The following GAS6 variants were observed in gnomAD, a reference collection of about 807,000 sequenced individuals.
GAS6 encodes the protein growth arrest specific 6.
Under a neutral mutation model 75.8 loss-of-function variants are expected in GAS6, and 41 were observed. That is an observed-to-expected ratio of 0.54 (90% CI 0.42 to 0.70). GAS6 has a LOEUF of 0.70. Ranked by LOEUF, GAS6 falls within the 30% of genes least tolerant of loss-of-function variation. GAS6 has a pLI of 0.00. For missense variants in GAS6, 854 were observed against 940.2 expected (o/e 0.91, Z 1.20); for synonymous variants, 432 against 412.6 (o/e 1.05, Z -0.57).
chr13:113,846,799 G>A (rs11841740), intron 3 of GAS6, among the ~76,000 whole-genome samples: 18,480 of 152,246 alleles, frequency 0.12, 1,801 homozygotes, highest in African/African-American at 0.28. Context: ...CAACTCAGCG[G>A]AGTTGTGCAC....
chr13:113,847,675 C>G, intron 3 of GAS6: 1 of 314,880 alleles, frequency 3.2e-6, no homozygotes, highest in Non-Finnish European at 5.9e-6. Context: ...ACATGGACCC[C>G]TTTGGGGTCC....
chr13:113,827,470 CAT>C (rs1347807088), intron 11 of GAS6, among the ~76,000 whole-genome samples: 21 of 152,370 alleles, frequency 1.4e-4, no homozygotes, highest in Non-Finnish European at 1.0e-4. Context: ...ATCCAACACT[CAT>C]GTGAATTATT....
In GAS6 at chr13:113,845,991, G is replaced by C. The variant is rs1008109715; in HGVS notation, c.343+536C>G. On this transcript the variant is annotated intron_variant, in intron 4 of 14. Coordinates refer to ENST00000327773, the MANE Select transcript of GAS6 (RefSeq NM_000820.4). This position sits in a 1 kb window ranked among gnomAD's most constrained non-coding sequence, Gnocchi z 4.3. ...GGCAACAGGTGCATGAGGATGTCACGCCAGTTTTGTTTAAATGATGGAAAT... is the reference window on the plus strand; with the variant it reads ...GGCAACAGGTGCATGAGGATGTCACCCCAGTTTTGTTTAAATGATGGAAAT... Among the ~76,000 whole-genome samples the C allele has an allele frequency of 2.0e-5, 3 of 152,206 alleles. No homozygotes were observed. The highest frequency in any genetic ancestry group is 1.5e-5 in the Non-Finnish European group (1 of 68,036).
chr13:113,834,860 C>T, intron 7 of GAS6, 188 bp from the exon 8 acceptor site: 2 of 492,354 alleles, frequency 4.1e-6, no homozygotes, highest in Non-Finnish European at 6.6e-6. Flanking sequence ...CGGCCTGCTC[C>T]TGCCCGGGCT....
At chr13:113,838,540 CGGGGGTGCACA>C (rs2051741837) in intron 5 of GAS6, among the ~76,000 whole-genome samples, 1 of 128,064 alleles carries the variant, frequency 7.8e-6, no homozygotes, top group African/African-American at 3.0e-5. Context: ...GGAGGGAGCC[CGGGGGTGCACA>C]GCCCAGCCCC....
chr13:113,857,650 C>T (rs766137189), intron 2 of GAS6, among the ~76,000 whole-genome samples: 11 of 152,246 alleles, frequency 7.2e-5, no homozygotes, highest in Non-Finnish European at 1.6e-4. Flanking sequence ...AGCTAGCAAG[C>T]TTAACGCCCC....
chr13:113,821,002 T>C lies in GAS6; in HGVS notation c.1899A>G (p.Ser633=). 1 of 1,612,514 alleles carries C rather than the reference T, an allele frequency of 6.2e-7. No homozygotes were observed. The highest frequency in any genetic ancestry group is 8.5e-7 in the Non-Finnish European group (1 of 1,179,858). ...CGCGGTAGAACGCGGTGACTGGCGC[T>C]GAAGTCACCGGCACATCTGGGCCGC... The part of the protein sequence containing the change: ...AGGLPDVPVT[S]APVTAFYRGC... The change falls in exon 15 of 15, where the codon TCA becomes TCG. Residue 633 remains serine (S), a synonymous_variant. Coordinates refer to ENST00000327773, the MANE Select transcript of GAS6 (RefSeq NM_000820.4).
chr13:113,858,817 G>C (rs908897136), intron 2 of GAS6, among the ~76,000 whole-genome samples: 1 of 151,360 alleles, frequency 6.6e-6, no homozygotes, highest in African/African-American at 2.4e-5. Flanking sequence ...CTATGTGAAT[G>C]TGTGCATGTA....
In GAS6 at chr13:113,820,878, G is replaced by A. The variant is rs748053207; in HGVS notation, c.2023C>T (p.Pro675Ser). ...CCCGTGGGGGCCTAGGCTGCGGCGGGCTCCACGGGGGGGCAGGAGTGGGCC... is the reference window on the plus strand; with the variant it reads ...CCCGTGGGGGCCTAGGCTGCGGCGGACTCCACGGGGGGGCAGGAGTGGGCC... Reference protein sequence around the residue: ...ITAHSCPPVEPAAA With the variant: ...ITAHSCPPVESAAA The change falls in exon 15 of 15, where the codon CCC becomes TCC. Residue 675 changes from proline (P) to serine (S), a missense_variant. Transcript: ENST00000327773. The A allele has an allele frequency of 6.2e-6, 10 of 1,610,754 alleles. No homozygotes were observed. In the South Asian group the frequency reaches 1.1e-4, roughly 18 times the overall value.
intron 2 of GAS6, among the ~76,000 whole-genome samples, chr13:113,855,524 G>A (rs57846809): frequency 0.078 from 11,941 of 152,226 alleles, 596 homozygotes; most frequent in East Asian, 0.17. Context: ...TCCATGGGAC[G>A]CTGGACAGCT....
At chr13:113,856,807 GGCAGGAATGCCACACCGCA>G (rs151241374) in intron 2 of GAS6, among the ~76,000 whole-genome samples, 3,460 of 152,318 alleles carry the variant, frequency 0.023, 112 homozygotes, top group African/African-American at 0.079. Context: ...ATTTGGAGTG[GGCAGGAATGCCACACCGCA>G]GCCCTCTCTG....
At chr13:113,826,527 G>A (rs112471421) in intron 12 of GAS6, among the ~76,000 whole-genome samples, 65 of 76,432 alleles carry the variant, frequency 8.5e-4, no homozygotes, top group African/African-American at 2.1e-3. Context: ...TTCTCTCCCC[G>A]GCCTCCCGGC....
In GAS6 at chr13:113,837,845, CCT is replaced by C. The variant is rs899517154; in HGVS notation, c.589+222_589+223del. Among the ~76,000 whole-genome samples the C allele has an allele frequency of 2.4e-4, 36 of 152,298 alleles. No individual in the cohort carries two copies. The highest frequency in any genetic ancestry group is 7.5e-4 in the African/African-American group (31 of 41,560). ...GTGGCCTCATGGGCTGGGCCGGCCC[CCT>C]GAGTCCTGGCCCTCAGATGCCGGGT... is the stretch of plus-strand genomic sequence containing the variant. On this transcript the variant is annotated intron_variant, in intron 6 of 14. Transcript: ENST00000327773. The surrounding 1 kb of genome is among the most constrained non-coding windows in gnomAD (Gnocchi z 5.1).
chr13:113,862,660 G>A (rs1017052245), intron 2 of GAS6, among the ~76,000 whole-genome samples: 2 of 152,220 alleles, frequency 1.3e-5, no homozygotes, highest in Non-Finnish European at 2.9e-5. Context: ...CAGAAAGGCA[G>A]ATCTAAGAGG....
chr13:113,857,290 T>G (rs1267944070), intron 2 of GAS6, among the ~76,000 whole-genome samples: 1 of 152,222 alleles, frequency 6.6e-6, no homozygotes, highest in East Asian at 1.9e-4. Flanking sequence ...AGAGTGCCTC[T>G]GTCAGAGTGA....
At chr13:113,833,106 C>A in intron 8 of GAS6, 1 of 1,179,304 alleles carries the variant, frequency 8.5e-7, no homozygotes. Flanking sequence ...ATATGGATGC[C>A]TTGAAGATGG....
chr13:113,825,804 C>T (rs531783842), intron 12 of GAS6, among the ~76,000 whole-genome samples: 7 of 146,838 alleles, frequency 4.8e-5, no homozygotes, highest in East Asian at 2.0e-4. Flanking sequence ...GACACGGTCA[C>T]GCTTTTGACA....
In GAS6 at chr13:113,863,738, G is replaced by A; in HGVS notation, c.92C>T (p.Ala31Val). 6.7e-7 allele frequency: 1 copy of A among 1,491,738 alleles called. No homozygotes were observed. The highest frequency in any genetic ancestry group is 8.9e-7 in the Non-Finnish European group (1 of 1,126,132). 92.4% of individuals were successfully genotyped at this position (1,491,738 alleles called of 1,614,324 possible). ...CGTGGCCTCGCGCGCCGGCAACAGC[G>A]CGGCTGCCCGGAGGGAGAGAGGGGG... Reference protein sequence around the residue: ...LLLAAECALAALLPAREATQF... With the variant: ...LLLAAECALAVLLPAREATQF... The change falls in exon 2 of 15, where the codon GCG becomes GTG. Residue 31 changes from alanine to valine, a missense_variant. Physicochemically the swap from Ala to Val is moderately conservative, Grantham distance 64. Coordinates refer to ENST00000327773, the MANE Select transcript of GAS6 (RefSeq NM_000820.4). The surrounding 1 kb of genome is among the most constrained non-coding windows in gnomAD (Gnocchi z 9.4).
intron 13 of GAS6, chr13:113,822,828 T>C (rs1332978650): frequency 6.5e-6 from 1 of 153,314 alleles, no homozygotes; most frequent in East Asian, 1.9e-4. Flanking sequence ...AAAAGCTGTT[T>C]CTGTCACCTC....
Sources: gnomAD v4.1 joint callset for allele counts (sites outside exome capture counted in the v4.1 genomes callset) on GRCh38, gnomAD v4.1.1 for gene constraint, Gnocchi (gnomAD v3.1) non-coding constraint, MANE v1.5 for transcripts, NCBI Gene and HGNC (gene_info 2026-07-23, HGNC 2026-07-21) for gene names.